Variants in OXR1 observed in about 807,000 individuals in gnomAD.
The protein encoded by OXR1 is oxidation resistance 1, also known as oxidation resistance protein 1.
In OXR1, 41 loss-of-function variants were observed where a neutral mutation model predicts 104.6. That is an observed-to-expected ratio of 0.39 (90% CI 0.31 to 0.51). OXR1 has a LOEUF of 0.51. Ranked by LOEUF, OXR1 falls within the 20% of genes least tolerant of loss-of-function variation. The pLI, the probability that OXR1 is intolerant of heterozygous loss-of-function variation, is 0.77. For synonymous variants in OXR1, 348 were observed against 348.4 expected (o/e 1.00, Z 0.01); for missense variants, 955 against 1,031.9 (o/e 0.93, Z 1.02).
intron 1 of OXR1, among the ~76,000 whole-genome samples, chr8:106,326,161 T>A (rs563444754): frequency 6.6e-6 from 1 of 152,340 alleles, no homozygotes; most frequent in South Asian, 2.1e-4. Context: ...ACATCGTCTG[T>A]CAAAATTTCA....
At chr8:106,405,482 C>T (rs1259914595) in intron 2 of OXR1, among the ~76,000 whole-genome samples, 2 of 152,092 alleles carry the variant, frequency 1.3e-5, no homozygotes. Context: ...GATTCCCCTT[C>T]CCTTGAATAG....
At chr8:106,322,722 G>A (rs1381641512) in intron 1 of OXR1, among the ~76,000 whole-genome samples, 2 of 152,122 alleles carry the variant, frequency 1.3e-5, no homozygotes, top group Non-Finnish European at 2.9e-5. Flanking sequence ...AAAATTACTA[G>A]CATTCCTTAC....
intron 2 of OXR1, among the ~76,000 whole-genome samples, chr8:106,445,751 C>T (rs1038344638): frequency 1.3e-5 from 2 of 152,190 alleles, no homozygotes; most frequent in African/African-American, 2.4e-5. Flanking sequence ...TAGCACTATT[C>T]GTACTGCGAG....
At chr8:106,667,032 G>GC (rs1482319080) in intron 3 of OXR1, among the ~76,000 whole-genome samples, 2 of 152,102 alleles carry the variant, frequency 1.3e-5, no homozygotes, top group Non-Finnish European at 2.9e-5. Context: ...AAGACAGATG[G>GC]CTAGTGGCTA....
At chr8:106,713,778 G>A (rs1015294521) in intron 10 of OXR1, 45 bp from the exon 11 acceptor site, 3 of 1,144,494 alleles carry the variant, frequency 2.6e-6, no homozygotes, top group Non-Finnish European at 3.6e-6. Flanking sequence ...TTTAATTCTG[G>A]CAGCACAGAA....
intron 16 of OXR1, among the ~76,000 whole-genome samples, chr8:106,750,327 T>TTC (rs1835783478): frequency 1.4e-5 from 2 of 145,750 alleles, no homozygotes. Context: ...TTCTTTTCTT[T>TTC]TTTTTTTTTT....
chr8:106,331,907 C>A lies in OXR1; in HGVS notation c.-138-27569C>A, dbSNP rs567912432. On this transcript the variant is annotated intron_variant, in intron 1 of 16. Coordinates refer to ENST00000517566, the MANE Select transcript of OXR1 (RefSeq NM_001198533.2). ...GAGACAAGAACGCACCACTGCACTC[C>A]AGCCTGGGTGACAGCGAGACTCTGT... Among the ~76,000 whole-genome samples the A allele has an allele frequency of 1.5e-4, 22 of 150,870 alleles. No individual in the cohort carries two copies. The South Asian group carries it at 4.6e-3, about 31-fold the overall frequency.
intron 3 of OXR1, among the ~76,000 whole-genome samples, chr8:106,628,925 T>C (rs1483185134): frequency 6.6e-6 from 1 of 152,208 alleles, no homozygotes; most frequent in East Asian, 1.9e-4. Flanking sequence ...GGGCTCTCTC[T>C]TTTCTCACAA....
chr8:106,276,825 CA>C (rs1812066629), intron 1 of OXR1, among the ~76,000 whole-genome samples: 1 of 147,742 alleles, frequency 6.8e-6, no homozygotes, highest in African/African-American at 2.5e-5. Context: ...CCTAAATTGT[CA>C]AAAAGATTAA....
rs146324296 is a variant in OXR1, at chr8:106,618,114, T to C, written c.221-61096T>C. 6,410 of 1,536,006 alleles carry C rather than the reference T, an allele frequency of 4.2e-3. 18 individuals carry two copies. Among genetic ancestry groups the C allele is most frequent in the Non-Finnish European group, 5.2e-3 (5,937 of 1,146,804 alleles). On this transcript the variant is annotated intron_variant, in intron 3 of 16. Transcript: ENST00000517566. Reference sequence around the variant, plus strand: ...AATCAAAATTCCTGTCTCCTCTTCTTGAAAGCAGCTCACTGCTAGCTGAGC... The same window carrying C: ...AATCAAAATTCCTGTCTCCTCTTCTCGAAAGCAGCTCACTGCTAGCTGAGC...
intron 3 of OXR1, among the ~76,000 whole-genome samples, chr8:106,638,663 G>A (rs1252508078): frequency 2.0e-5 from 3 of 152,168 alleles, no homozygotes; most frequent in Non-Finnish European, 4.4e-5. Flanking sequence ...CACTTTGATA[G>A]GCCGAGGTGG....
At chr8:106,452,590 C>T (rs941375815) in intron 2 of OXR1, among the ~76,000 whole-genome samples, 2 of 152,086 alleles carry the variant, frequency 1.3e-5, no homozygotes, top group Admixed American at 6.6e-5. Context: ...AATAGGGCCA[C>T]CTGCTCTATT....
intron 1 of OXR1, among the ~76,000 whole-genome samples, chr8:106,347,000 G>T (rs569947340): frequency 6.6e-6 from 1 of 152,188 alleles, no homozygotes; most frequent in African/African-American, 2.4e-5. Flanking sequence ...CCGAGATCGC[G>T]CCATTGCACT....
intron 4 of OXR1, among the ~76,000 whole-genome samples, chr8:106,682,265 CTTTTTT>C (rs760684524): frequency 1.7e-5 from 2 of 117,886 alleles, no homozygotes; most frequent in South Asian, 5.6e-4. Flanking sequence ...AGAGCTCTCT[CTTTTTT>C]TTTTTTTTTT....
At chr8:106,473,847 T>G (rs2123541) in intron 2 of OXR1, among the ~76,000 whole-genome samples, 12,344 of 149,636 alleles carry the variant, frequency 0.082, 565 homozygotes, top group African/African-American at 0.098. Flanking sequence ...ATTCTGTCTA[T>G]TCCTCTTTTT....
chr8:106,661,649 GA>G (rs1463988043), intron 3 of OXR1, among the ~76,000 whole-genome samples: 1 of 151,620 alleles, frequency 6.6e-6, no homozygotes, highest in Non-Finnish European at 1.5e-5. Context: ...GTATAAACAT[GA>G]AATCGTTTTT....
At chr8:106,521,293 GCTC>G (rs1248566193) in intron 3 of OXR1, among the ~76,000 whole-genome samples, 8 of 152,074 alleles carry the variant, frequency 5.3e-5, no homozygotes, top group African/African-American at 1.2e-4. Context: ...GGCAATTTAA[GCTC>G]CTGGGTTTTA....
At chr8:106,402,070 C>T (rs1325774211) in intron 2 of OXR1, among the ~76,000 whole-genome samples, 1 of 152,072 alleles carries the variant, frequency 6.6e-6, no homozygotes, top group East Asian at 1.9e-4. Context: ...AGCTGTATAC[C>T]AGGTACTAGG....
intron 3 of OXR1, among the ~76,000 whole-genome samples, chr8:106,596,995 G>A (rs985622361): frequency 1.3e-5 from 2 of 152,150 alleles, no homozygotes; most frequent in Non-Finnish European, 2.9e-5. Context: ...GGAGGCTGCA[G>A]TGAGCTGAGA....
Sources: allele counts gnomAD v4.1 joint callset (sites outside exome capture counted in the v4.1 genomes callset), GRCh38; gene constraint gnomAD v4.1.1; transcripts MANE v1.5; gene names NCBI Gene and HGNC (gene_info 2026-07-23, HGNC 2026-07-21).